PRLR: variants seen among roughly 807,000 people sequenced by gnomAD.
PRLR encodes the protein prolactin receptor, also known as hPRL receptor.
Under a neutral mutation model 40.2 loss-of-function variants are expected in PRLR, and 13 were observed. The ratio of observed to expected loss-of-function variants is 0.32; its 90% CI spans 0.21 to 0.51. The LOEUF is 0.51. PRLR is among the 20% of genes least tolerant of loss of function. The probability of loss-of-function intolerance (pLI) is 0.97; values close to 1 mark genes in which losing one functional copy is unlikely to be tolerated. For synonymous variants in PRLR, 269 were observed against 278.7 expected (o/e 0.97, Z 0.35); for missense variants, 656 against 747.3 (o/e 0.88, Z 1.42).
intron 1 of PRLR, among the ~76,000 whole-genome samples, chr5:35,139,926 A>C (rs1174511501): frequency 2.5e-5 from 1 of 40,798 alleles, no homozygotes; most frequent in Non-Finnish European, 4.5e-5. Flanking sequence ...TTAAAATATC[A>C]TTTAGAAATG....
chr5:35,068,807 C>A lies in PRLR; in HGVS notation c.757G>T (p.Val253Phe). Residue 253 changes from valine to phenylalanine, a missense_variant, in exon 8 of 10, where the codon GTC (valine) becomes TTC (phenylalanine). Val to Phe is a conservative substitution (Grantham distance 50). Transcript: ENST00000618457. ...TAGCCCTTCAAAGCCACTGCCCAGA[C>A]AATAATCAAACAGATGACAGCAGAA... ...VLSAVICLII[V>F]WAVALKGYSM... The A allele has an allele frequency of 6.2e-6, 10 of 1,611,220 alleles. No homozygotes were observed. Among genetic ancestry groups the A allele is most frequent in the Non-Finnish European group, 8.5e-6 (10 of 1,178,038 alleles).
chr5:35,054,981 G>T (rs1768644587), downstream of PRLR, among the ~76,000 whole-genome samples: 1 of 152,132 alleles, frequency 6.6e-6, no homozygotes. Context: ...ATGAATCTTT[G>T]TTAAAGAAAG....
At chr5:35,227,552 T>C (rs1776582962) in intron 1 of PRLR, among the ~76,000 whole-genome samples, 1 of 152,254 alleles carries the variant, frequency 6.6e-6, no homozygotes, top group Non-Finnish European at 1.5e-5. Context: ...CAGTAAATAG[T>C]AGGCATGAAT....
chr5:35,219,656 G>C (rs1366837476), intron 1 of PRLR, among the ~76,000 whole-genome samples: 1 of 152,156 alleles, frequency 6.6e-6, no homozygotes, highest in Non-Finnish European at 1.5e-5. Flanking sequence ...GACCTTTCCA[G>C]CACTTACGAA....
intron 5 of PRLR, among the ~76,000 whole-genome samples, chr5:35,083,068 TACACAC>T (rs3836809): frequency 0.02 from 2,872 of 144,792 alleles, 84 homozygotes; most frequent in African/African-American, 0.067. Context: ...GGTAAGGCAA[TACACAC>T]ACACACACAC....
At chr5:35,068,356 A>T (rs1579567848) in intron 8 of PRLR, 71 bp from the exon 9 acceptor site, 6 of 1,276,634 alleles carry the variant, frequency 4.7e-6, no homozygotes, top group Non-Finnish European at 1.1e-6. Context: ...GGTTAGTATA[A>T]TAGCCACTAT....
chr5:35,078,641 T>C (rs1770279546), intron 5 of PRLR, among the ~76,000 whole-genome samples: 1 of 151,586 alleles, frequency 6.6e-6, no homozygotes. Context: ...AAAGAGGAGC[T>C]GGTACCATTC....
Position 35,063,288 on chromosome 5 carries a change from G to C in PRLR, c.*1801C>G, listed in dbSNP as rs1769151845. 6.6e-6 allele frequency: 1 copy of C among 152,150 alleles called. No individual in the cohort carries two copies. The highest frequency in any genetic ancestry group is 1.5e-5 in the Non-Finnish European group (1 of 68,024). 9.4% of individuals were successfully genotyped at this position (152,150 alleles called of 1,614,324 possible). A position where few individuals can be genotyped will look rare whatever the true frequency, so the allele number is the denominator to read the frequency against. ...ATGTGTTCACTTTCAAACAGGAGGG[G>C]GACCTCTGAGTCCAGTTGCTATCAA... On this transcript the variant is annotated 3_prime_UTR_variant, in exon 10 of 10. Transcript: ENST00000618457.
chr5:35,070,360 A>C (rs1413238019), intron 6 of PRLR, 95 bp from the exon 7 acceptor site: 1 of 1,335,770 alleles, frequency 7.5e-7, no homozygotes, highest in Non-Finnish European at 1.1e-6. Flanking sequence ...AGGCTGAACA[A>C]TCATATACAG....
At chr5:35,160,420 G>A (rs1774641168) in intron 1 of PRLR, among the ~76,000 whole-genome samples, 1 of 152,150 alleles carries the variant, frequency 6.6e-6, no homozygotes, top group African/African-American at 2.4e-5. Flanking sequence ...CTTACCTTTA[G>A]TGGTCAAGCT....
intron 1 of PRLR, among the ~76,000 whole-genome samples, chr5:35,212,721 A>G (rs1173140349): frequency 2.0e-5 from 3 of 152,232 alleles, no homozygotes; most frequent in Non-Finnish European, 4.4e-5. Context: ...ATAACCAAGC[A>G]TGTAAAACAT....
At chr5:35,144,007 G>A (rs1004512655) in intron 1 of PRLR, among the ~76,000 whole-genome samples, 3 of 151,080 alleles carry the variant, frequency 2.0e-5, no homozygotes, top group Non-Finnish European at 4.4e-5. Flanking sequence ...CATGTGTTCT[G>A]TAGACATTTT....
At chr5:35,093,401 C>G (rs1334204188) in intron 2 of PRLR, among the ~76,000 whole-genome samples, 1 of 152,218 alleles carries the variant, frequency 6.6e-6, no homozygotes, top group Admixed American at 6.5e-5. Context: ...GCCAATCCTG[C>G]CTGCCAGCAA....
intron 1 of PRLR, among the ~76,000 whole-genome samples, chr5:35,184,112 A>T (rs1468353930): frequency 6.6e-6 from 1 of 152,210 alleles, no homozygotes; most frequent in Non-Finnish European, 1.5e-5. Context: ...AATTCCTGAT[A>T]ATTGGAATAA....
rs371761011 is a variant in PRLR at position 35,065,618 on chromosome 5, G to A, written c.1340C>T (p.Pro447Leu). 128 of 1,613,968 alleles carry A rather than the reference G, an allele frequency of 7.9e-5. No homozygotes were observed. In the East Asian group the frequency reaches 1.6e-3, roughly 20 times the overall value. Residue 447 changes from proline (P) to leucine (L), a missense_variant, in exon 10 of 10, where the codon CCG becomes CTG. Around this residue, in one of 3 missense-constraint regions of PRLR, gnomAD observed 469 missense variants for 491.5 expected, o/e 0.95. Coordinates refer to ENST00000618457, the MANE Select transcript of PRLR (RefSeq NM_000949.7). ...ACCTGCTTCATTCAACAGAGTGGCCGGTGCACCTGCAGGGCCCACAGCCAG... is the reference window on the plus strand; with the variant it reads ...ACCTGCTTCATTCAACAGAGTGGCCAGTGCACCTGCAGGGCCCACAGCCAG... ...CELAVGPAGAPATLLNEAGKD... is the reference protein window; with the variant it reads ...CELAVGPAGALATLLNEAGKD...
At chr5:35,085,154 G>A (rs1047463017) in intron 4 of PRLR, among the ~76,000 whole-genome samples, 7 of 152,196 alleles carry the variant, frequency 4.6e-5, no homozygotes, top group Admixed American at 3.3e-4. Context: ...GCAATAAAGT[G>A]AAGTGACGTT....
intron 1 of PRLR, among the ~76,000 whole-genome samples, chr5:35,144,215 G>A (rs1224076956): frequency 6.6e-6 from 1 of 151,102 alleles, no homozygotes; most frequent in Non-Finnish European, 1.5e-5. Context: ...TTAAGATTTA[G>A]CATACTGCTT....
At chr5:35,148,936 C>T (rs7721935) in intron 1 of PRLR, among the ~76,000 whole-genome samples, 120,188 of 151,786 alleles carry the variant, frequency 0.79, 50,238 homozygotes, top group Non-Finnish European at 0.92. Flanking sequence ...TTTTAAATAT[C>T]AAATATATAT....
intron 1 of PRLR, among the ~76,000 whole-genome samples, chr5:35,209,170 C>A (rs1346902842): frequency 6.6e-6 from 1 of 150,954 alleles, no homozygotes; most frequent in Non-Finnish European, 1.5e-5. Context: ...GTGATGAGAT[C>A]AAGATGATAC....
Sources: gnomAD v4.1 joint callset for allele counts (sites outside exome capture counted in the v4.1 genomes callset) on GRCh38, gnomAD v4.1.1 for gene constraint, gnomAD v4.1.1 regional missense constraint, MANE v1.5 for transcripts, NCBI Gene and HGNC (gene_info 2026-07-23, HGNC 2026-07-21) for gene names.